The following SULT2B1 variants were observed in gnomAD, a reference collection of about 807,000 sequenced individuals.
SULT2B1 encodes sulfotransferase 2B1.
SULT2B1 carries 16 observed loss-of-function variants against 33.2 expected under a neutral mutation model. The ratio of observed to expected loss-of-function variants is 0.48; its 90% CI spans 0.33 to 0.73. SULT2B1 has a LOEUF of 0.73. Ranked by LOEUF, SULT2B1 falls within the 30% of genes least tolerant of loss-of-function variation. SULT2B1 has a pLI of 0.02. For synonymous variants in SULT2B1, 186 were observed against 200.5 expected, an observed-to-expected ratio of 0.93 and a Z score of 0.61; for missense variants, 500 against 506.0, an observed-to-expected ratio of 0.99 and a Z score of 0.11.
At chr19:48,594,819 G>C (rs980837942) in intron 5 of SULT2B1, among the ~76,000 whole-genome samples, 4 of 152,202 alleles carry the variant, frequency 2.6e-5, no homozygotes, top group East Asian at 1.9e-4. Flanking sequence ...AGGAGTTCGA[G>C]ATCAGCCTGG....
intron 1 of SULT2B1, among the ~76,000 whole-genome samples, chr19:48,570,345 A>G (rs1478656289): frequency 6.6e-6 from 1 of 151,742 alleles, no homozygotes; most frequent in Non-Finnish European, 1.5e-5. Flanking sequence ...ATACCCAGCT[A>G]ATTTTTGTAT....
intron 1 of SULT2B1, among the ~76,000 whole-genome samples, chr19:48,558,403 A>G (rs987930718): frequency 6.6e-6 from 1 of 152,096 alleles, no homozygotes; most frequent in Non-Finnish European, 1.5e-5. Flanking sequence ...GGAGAGTGTC[A>G]AGGCCAGAGA....
chr19:48,596,576 C>T (rs927336276), intron 5 of SULT2B1, 163 bp from the exon 6 acceptor site: 15 of 714,900 alleles, frequency 2.1e-5, no homozygotes, highest in Admixed American at 8.9e-5. Flanking sequence ...CCCTTAGAGG[C>T]GATATAGCCC....
At chr19:48,565,917 A>T (rs1418467120) in intron 1 of SULT2B1, among the ~76,000 whole-genome samples, 1 of 143,716 alleles carries the variant, frequency 7.0e-6, no homozygotes, top group Non-Finnish European at 1.5e-5. Flanking sequence ...ACACCAGGCT[A>T]TTTTTTTTTT....
chr19:48,574,125 G>A (rs1973369805), intron 1 of SULT2B1, among the ~76,000 whole-genome samples: 1 of 152,144 alleles, frequency 6.6e-6, no homozygotes, highest in Admixed American at 6.6e-5. Flanking sequence ...GCCTCCCAAA[G>A]TGCTGGGACT....
At chr19:48,590,360 G>T (rs968365221) in intron 3 of SULT2B1, among the ~76,000 whole-genome samples, 1 of 152,068 alleles carries the variant, frequency 6.6e-6, no homozygotes, top group African/African-American at 2.4e-5. Context: ...CCAGCACTTG[G>T]GGAGGCCGAA....
At chr19:48,582,018 C>T (rs1973497480) in intron 2 of SULT2B1, among the ~76,000 whole-genome samples, 1 of 151,828 alleles carries the variant, frequency 6.6e-6, no homozygotes, top group Non-Finnish European at 1.5e-5. Context: ...GATTCTCCTG[C>T]CTCAACCTCC....
intron 1 of SULT2B1, among the ~76,000 whole-genome samples, chr19:48,569,359 A>AT (rs1568405746): frequency 4.6e-4 from 7 of 15,088 alleles, no homozygotes; most frequent in African/African-American, 3.2e-3. Context: ...AAAAAAAAAA[A>AT]AAACATATAT....
chr19:48,594,902 CCAG>C (rs56148103), intron 5 of SULT2B1, among the ~76,000 whole-genome samples: 121,566 of 151,450 alleles, frequency 0.8, 49,393 homozygotes, highest in Middle Eastern at 0.87. Flanking sequence ...GCCTATAATC[CCAG>C]CAGCTACTTT....
intron 1 of SULT2B1, among the ~76,000 whole-genome samples, chr19:48,569,656 G>GTA (rs1568405980): frequency 2.7e-5 from 4 of 150,028 alleles, no homozygotes; most frequent in Non-Finnish European, 4.4e-5. Context: ...GAGCCACCAT[G>GTA]CCTGGCCTCA....
At chr19:48,574,513 G>A (rs745695212) in intron 1 of SULT2B1, among the ~76,000 whole-genome samples, 7 of 152,192 alleles carry the variant, frequency 4.6e-5, no homozygotes, top group Non-Finnish European at 8.8e-5. Flanking sequence ...CTGTAAGCTG[G>A]GAAGGAGATT....
chr19:48,562,699 A>G (rs1428616411), intron 1 of SULT2B1, among the ~76,000 whole-genome samples: 4 of 151,998 alleles, frequency 2.6e-5, no homozygotes, highest in Non-Finnish European at 5.9e-5. Context: ...TTATTTTTTG[A>G]GACAGAGTCT....
chr19:48,560,480 G>A (rs1226182416), intron 1 of SULT2B1, among the ~76,000 whole-genome samples: 2 of 151,750 alleles, frequency 1.3e-5, no homozygotes, highest in Non-Finnish European at 2.9e-5. Context: ...ATTTCTTCTC[G>A]GGGGGACTTG....
intron 2 of SULT2B1, among the ~76,000 whole-genome samples, chr19:48,576,838 A>T (rs1300187538): frequency 6.8e-6 from 1 of 147,258 alleles, no homozygotes; most frequent in Non-Finnish European, 1.5e-5. Context: ...ACAGGGTTTC[A>T]TCATGTTGCC....
At chr19:48,564,568 A>AAAAAAAAG (rs1973221601) in intron 1 of SULT2B1, among the ~76,000 whole-genome samples, 1 of 150,786 alleles carries the variant, frequency 6.6e-6, no homozygotes, top group East Asian at 1.9e-4. Flanking sequence ...AAAAAAAAAA[A>AAAAAAAAG]AAAAAAAGAA....
At chr19:48,569,458 A>C (rs113949994) in intron 1 of SULT2B1, among the ~76,000 whole-genome samples, 3 of 16,980 alleles carry the variant, frequency 1.8e-4, no homozygotes, top group African/African-American at 8.3e-4. Context: ...AGTGACATCT[A>C]TCTGTAATCC....
At chr19:48,553,672 G>T (rs1302975693) in intron 1 of SULT2B1, among the ~76,000 whole-genome samples, 5 of 152,040 alleles carry the variant, frequency 3.3e-5, no homozygotes, top group Non-Finnish European at 7.4e-5. Context: ...AGAAGCTGGG[G>T]CATGAAGAGG....
chr19:48,565,333 G>T lies in SULT2B1; in HGVS notation c.72-10608G>T, dbSNP rs188113175. 9.1e-3 allele frequency among the ~76,000 whole-genome samples: 1,379 copies of T among 151,688 alleles called. 13 individuals are homozygous for T. The highest frequency in any genetic ancestry group is 0.028 in the African/African-American group (1,159 of 41,326). ...AACTACTTCAGTATTTGTTTATGGG[G>T]GGGTGTGTGTGTGTGTGTTTGTGTG... On this transcript the variant is annotated intron_variant, in intron 1 of 6. Coordinates refer to ENST00000201586, the MANE Select transcript of SULT2B1 (RefSeq NM_177973.2).
At chr19:48,575,690 A>T in intron 1 of SULT2B1, 1 of 426,522 alleles carries the variant, frequency 2.3e-6, no homozygotes, top group Non-Finnish European at 3.9e-6. Flanking sequence ...CATGTTGGCC[A>T]GGCTGGTCTC....
Sources: gnomAD v4.1 joint callset for allele counts (sites outside exome capture counted in the v4.1 genomes callset) on GRCh38, gnomAD v4.1.1 for gene constraint, MANE v1.5 for transcripts, NCBI Gene and HGNC (gene_info 2026-07-23, HGNC 2026-07-21) for gene names.